SLC38A1: variants seen among roughly 807,000 people sequenced by gnomAD.
SLC38A1 encodes the protein sodium-coupled neutral amino acid symporter 1.
Under a neutral mutation model 60.3 loss-of-function variants are expected in SLC38A1, and 18 were observed. The observed-to-expected ratio is 0.30, with a 90% CI of 0.21 to 0.44. The LOEUF is 0.44. Ranked by LOEUF, SLC38A1 falls within the 20% of genes least tolerant of loss-of-function variation. SLC38A1 has a pLI of 1.00. For synonymous variants in SLC38A1, 196 were observed against 212.1 expected, an observed-to-expected ratio of 0.92 and a Z score of 0.66; for missense variants, 448 against 587.2, an observed-to-expected ratio of 0.76 and a Z score of 2.45.
rs1243333435 is a variant in SLC38A1 at position 46,266,919 on chromosome 12, G to A, written c.-209+1607C>T. ...GCTGGGGTCGAACCAAAATCCAGGG[G>A]GTCCACACCAGGTCAGTACCCCGGA... On this transcript the variant is annotated intron_variant, in intron 1 of 16. Transcript: ENST00000398637. Among the ~76,000 whole-genome samples, 3 of 152,096 alleles carry A rather than the reference G, an allele frequency of 2.0e-5. No individual in the cohort carries two copies. In the South Asian group the frequency reaches 6.2e-4, roughly 32 times the overall value.
chr12:46,201,265 G>T, intron 12 of SLC38A1, 67 bp from the exon 13 acceptor site: 1 of 1,268,170 alleles, frequency 7.9e-7, no homozygotes, highest in Non-Finnish European at 1.1e-6. Context: ...TGTTAACATT[G>T]AAGAATACTA....
At position 46,183,476 on chromosome 12, in the gene SLC38A1, C is replaced by T. The variant is rs1279417535; in HGVS notation, c.*5494G>A. On this transcript the variant is annotated 3_prime_UTR_variant, in exon 17 of 17. Coordinates refer to ENST00000398637, the MANE Select transcript of SLC38A1 (RefSeq NM_030674.4). ...AGATAATGGTTCTTTGTTTTCTTTC[C>T]TTCAAATTTGTGCTCATAATTAATA... The T allele has an allele frequency of 6.6e-6, 1 of 152,148 alleles. No homozygotes were observed. The highest frequency in any genetic ancestry group is 1.5e-5 in the Non-Finnish European group (1 of 68,022). 9.4% of individuals were successfully genotyped at this position (152,148 alleles called of 1,614,324 possible).
intron 1 of SLC38A1, among the ~76,000 whole-genome samples, chr12:46,264,106 G>T (rs1942281084): frequency 6.6e-6 from 1 of 152,200 alleles, no homozygotes. Context: ...CACCCTAGAT[G>T]AGTCTAATGT....
intron 5 of SLC38A1, among the ~76,000 whole-genome samples, chr12:46,215,161 G>A (rs1372459803): frequency 2.6e-5 from 4 of 152,180 alleles, no homozygotes; most frequent in African/African-American, 7.2e-5. Flanking sequence ...GCCTTGTGGT[G>A]TATACATTCC....
chr12:46,242,484 T>C lies in SLC38A1; in HGVS notation c.-94+716A>G, dbSNP rs552321513. Among the ~76,000 whole-genome samples, 17 of 152,160 alleles carry C rather than the reference T, an allele frequency of 1.1e-4. No individual in the cohort carries two copies. In the South Asian group the frequency reaches 3.5e-3, roughly 32 times the overall value. On this transcript the variant is annotated intron_variant, in intron 2 of 16. Transcript: ENST00000398637. ...TTTTTTTTCCTAATTCTAAAAGTAA[T>C]ACAATGGCTGGGCATGGTGGCTCAT...
chr12:46,199,858 C>A (rs1446439834), intron 13 of SLC38A1, among the ~76,000 whole-genome samples: 1 of 152,170 alleles, frequency 6.6e-6, no homozygotes, highest in African/African-American at 2.4e-5. Flanking sequence ...AAATGCTAAT[C>A]TGTACCATAG....
rs200255614 is a variant in SLC38A1, at chr12:46,229,190, C to T, written c.277G>A (p.Ala93Thr). The change falls in exon 5 of 17, where the codon GCC (alanine) becomes ACC (threonine). Residue 93 changes from alanine to threonine, a missense_variant. Transcript: ENST00000398637. Reference sequence around the variant, plus strand: ...ATTCCAGTGTTTGCCAGGGCAAAGGCGAGTCCCAAAATCCCACTGCCCATA... The same window carrying T: ...ATTCCAGTGTTTGCCAGGGCAAAGGTGAGTCCCAAAATCCCACTGCCCATA... ...AIMGSGILGL[A>T]FALANTGILL... is the part of the protein sequence containing the mutation. 7 of 1,613,360 alleles carry T rather than the reference C, an allele frequency of 4.3e-6. No homozygotes were observed. Among genetic ancestry groups the T allele is most frequent in the East Asian group, 4.5e-5 (2 of 44,862 alleles).
In SLC38A1 at chr12:46,215,226, T is replaced by C. The variant is rs182810335; in HGVS notation, c.315-6099A>G. ...TGTGCATCACCCGCCACACTGTCTG[T>C]GGTGAGGTGCTGTGCCAACACTGCA... On this transcript the variant is annotated intron_variant, in intron 5 of 16. Coordinates refer to ENST00000398637, the MANE Select transcript of SLC38A1 (RefSeq NM_030674.4). Among the ~76,000 whole-genome samples the C allele has an allele frequency of 3.1e-3, 471 of 152,278 alleles. 2 individuals carry two copies. The highest frequency in any genetic ancestry group is 0.011 in the African/African-American group (451 of 41,550).
At chr12:46,216,544 G>T (rs2137498096) in intron 5 of SLC38A1, among the ~76,000 whole-genome samples, 1 of 152,266 alleles carries the variant, frequency 6.6e-6, no homozygotes, top group East Asian at 1.9e-4. Flanking sequence ...AAGTGGTGAG[G>T]AAAGAGACAC....
intron 1 of SLC38A1, among the ~76,000 whole-genome samples, chr12:46,262,864 T>A (rs989805127): frequency 6.6e-6 from 1 of 152,178 alleles, no homozygotes; most frequent in Non-Finnish European, 1.5e-5. Context: ...TCAGAACAAT[T>A]CCTTTCTCCT....
At chr12:46,217,377 A>G (rs1940460194) in intron 5 of SLC38A1, among the ~76,000 whole-genome samples, 1 of 152,248 alleles carries the variant, frequency 6.6e-6, no homozygotes, top group African/African-American at 2.4e-5. Flanking sequence ...AGAATGAAAT[A>G]CATTGAAATG....
intron 8 of SLC38A1, among the ~76,000 whole-genome samples, chr12:46,206,682 A>G (rs1216864645): frequency 2.6e-5 from 4 of 152,206 alleles, no homozygotes; most frequent in Non-Finnish European, 5.9e-5. Flanking sequence ...ACTGTTAAAC[A>G]AGAGGGAGTC....
intron 1 of SLC38A1, among the ~76,000 whole-genome samples, chr12:46,266,247 C>T (rs1436397697): frequency 6.6e-6 from 1 of 152,052 alleles, no homozygotes; most frequent in Non-Finnish European, 1.5e-5. Context: ...ACAAGCATCA[C>T]CCAGAGTAAA....
chr12:46,238,246 A>G (rs1941325225), intron 3 of SLC38A1, among the ~76,000 whole-genome samples: 1 of 148,784 alleles, frequency 6.7e-6, no homozygotes. Flanking sequence ...GCCCCATAGT[A>G]AGAAACATCA....
At chr12:46,225,472 C>T (rs1219920796) in intron 5 of SLC38A1, among the ~76,000 whole-genome samples, 1 of 152,274 alleles carries the variant, frequency 6.6e-6, no homozygotes, top group Non-Finnish European at 1.5e-5. Context: ...TGAGTGAACA[C>T]ATGCCTGCTG....
chr12:46,200,346 G>A (rs986318804), intron 13 of SLC38A1, among the ~76,000 whole-genome samples: 27 of 151,588 alleles, frequency 1.8e-4, no homozygotes, highest in Non-Finnish European at 2.9e-5. Context: ...TTATTATTTA[G>A]TAGAGAAGAT....
intron 1 of SLC38A1, among the ~76,000 whole-genome samples, chr12:46,255,120 A>G (rs1363894337): frequency 6.6e-6 from 1 of 152,234 alleles, no homozygotes; most frequent in Non-Finnish European, 1.5e-5. Flanking sequence ...AGTTATCAGA[A>G]GCTTGCATTT....
chr12:46,217,332 TA>T (rs1321304075), intron 5 of SLC38A1, among the ~76,000 whole-genome samples: 1 of 152,180 alleles, frequency 6.6e-6, no homozygotes, highest in Non-Finnish European at 1.5e-5. Flanking sequence ...CAGAGTGGAA[TA>T]ACACTGTAAA....
chr12:46,248,595 C>T (rs577006779), intron 1 of SLC38A1, among the ~76,000 whole-genome samples: 3 of 151,448 alleles, frequency 2.0e-5, no homozygotes, highest in East Asian at 1.9e-4. Flanking sequence ...GGCTTTAACA[C>T]CCATTAGACA....
Sources: gnomAD v4.1 joint callset for allele counts (sites outside exome capture counted in the v4.1 genomes callset) on GRCh38, gnomAD v4.1.1 for gene constraint, MANE v1.5 for transcripts, NCBI Gene and HGNC (gene_info 2026-07-23, HGNC 2026-07-21) for gene names.